The following NR1D2 variants were observed in gnomAD, a reference collection of about 807,000 sequenced individuals.
NR1D2 encodes the protein nuclear receptor subfamily 1 group D member 2.
A neutral mutation model predicts 52.2 loss-of-function variants in NR1D2; 25 were observed. That is an observed-to-expected ratio of 0.48 (90% CI 0.35 to 0.67). The LOEUF (loss-of-function observed/expected upper bound fraction) is 0.67, where lower values mean the gene tolerates loss of function less well. Ranked by LOEUF, NR1D2 falls within the 30% of genes least tolerant of loss-of-function variation. The probability of loss-of-function intolerance (pLI) is 0.01; values close to 1 mark genes in which losing one functional copy is unlikely to be tolerated. For synonymous variants in NR1D2, 259 were observed against 230.1 expected (o/e 1.13, Z -1.14); for missense variants, 681 against 707.2 (o/e 0.96, Z 0.42).
intron 7 of NR1D2, among the ~76,000 whole-genome samples, chr3:23,969,540 T>G (rs73822612): frequency 3.0e-3 from 464 of 152,364 alleles, no homozygotes; most frequent in African/African-American, 0.011. Context: ...GCAGAATCTC[T>G]TGATAAGTAA....
intron 3 of NR1D2, among the ~76,000 whole-genome samples, chr3:23,958,683 C>T (rs971294542): frequency 4.7e-5 from 7 of 147,902 alleles, no homozygotes; most frequent in Admixed American, 1.4e-4. Flanking sequence ...CATGGTGGCT[C>T]GTGCCTGTAA....
rs1267635279 is a variant in NR1D2 at position 23,980,534 on chromosome 3, T to A, written c.*3115T>A. The A allele has an allele frequency of 6.6e-6, 1 of 152,044 alleles. No individual in the cohort carries two copies. The highest frequency in any genetic ancestry group is 1.5e-5 in the Non-Finnish European group (1 of 67,984). 9.4% of individuals were successfully genotyped at this position (152,044 alleles called of 1,614,324 possible). A position where few individuals can be genotyped will look rare whatever the true frequency, so the allele number is the denominator to read the frequency against. ...TAAGTTTATTTTCTACAAACTGTAA[T>A]TGATGAGGACATGGATAATATCTTC... On this transcript the variant is annotated 3_prime_UTR_variant, in exon 8 of 8. Transcript: ENST00000312521.
chr3:23,956,795 CTTGGCACAATCTT>C (rs1706091748), intron 3 of NR1D2, among the ~76,000 whole-genome samples: 1 of 152,186 alleles, frequency 6.6e-6, no homozygotes, highest in East Asian at 1.9e-4. Flanking sequence ...TTTTAAAAAA[CTTGGCACAATCTT>C]TTCTCCTGAG....
At position 23,957,639 on chromosome 3, in the gene NR1D2, C is replaced by A. The variant is rs367723970; in HGVS notation, c.372+1514C>A. 7.0e-3 allele frequency among the ~76,000 whole-genome samples: 1,064 copies of A among 151,098 alleles called. 6 individuals carry two copies. Among genetic ancestry groups the A allele is most frequent in the African/African-American group, 0.025 (1,022 of 41,170 alleles). On this transcript the variant is annotated intron_variant, in intron 3 of 7. Coordinates refer to ENST00000312521, the MANE Select transcript of NR1D2 (RefSeq NM_005126.5). Reference sequence around the variant, plus strand: ...TCGGGAGGCTGAGGCAGGAGAATGGCGTGAACCCGGGAGGCGGAGCTTGCA... The same window carrying A: ...TCGGGAGGCTGAGGCAGGAGAATGGAGTGAACCCGGGAGGCGGAGCTTGCA...
At chr3:23,969,523 A>G (rs551540436) in intron 7 of NR1D2, among the ~76,000 whole-genome samples, 6 of 152,332 alleles carry the variant, frequency 3.9e-5, no homozygotes, top group African/African-American at 9.6e-5. Flanking sequence ...CATTTTACCT[A>G]TCATTTGCAG....
chr3:23,960,597 G>A (rs574603002), intron 4 of NR1D2, among the ~76,000 whole-genome samples: 10 of 152,298 alleles, frequency 6.6e-5, no homozygotes, highest in African/African-American at 2.4e-4. Context: ...CTCCCAAAGC[G>A]CTGGGATTAC....
chr3:23,974,186 A>G (rs893628376), intron 7 of NR1D2, among the ~76,000 whole-genome samples: 3 of 138,510 alleles, frequency 2.2e-5, no homozygotes, highest in African/African-American at 8.2e-5. Flanking sequence ...CTGGTGGATC[A>G]TTTGAGTTCA....
chr3:23,959,618 G>T, intron 3 of NR1D2, 53 bp from the exon 4 acceptor site: 2 of 1,565,066 alleles, frequency 1.3e-6, no homozygotes, highest in African/African-American at 1.4e-5. Context: ...GTGTTTATAA[G>T]AAGTTCATTT....
chr3:23,953,901 G>C (rs993815880), intron 1 of NR1D2, among the ~76,000 whole-genome samples: 11 of 152,172 alleles, frequency 7.2e-5, no homozygotes, highest in Admixed American at 2.0e-4. Flanking sequence ...TTACTTAGGA[G>C]CATTTTTTAG....
chr3:23,949,802 C>G (rs1349913943), intron 1 of NR1D2, among the ~76,000 whole-genome samples: 1 of 152,192 alleles, frequency 6.6e-6, no homozygotes, highest in Non-Finnish European at 1.5e-5. Flanking sequence ...GACTTGAAGT[C>G]AAACATAATC....
rs138411265 is a variant in NR1D2, at chr3:23,961,584, C to T, written c.518-393C>T. On this transcript the variant is annotated intron_variant, in intron 4 of 7. Transcript: ENST00000312521. ...CTAGTTTTTGTTTTTTTAGTAGAGA[C>T]GGGGTTTCACCATATTGGCTAGTCT... is the stretch of plus-strand genomic sequence containing the variant. Among the ~76,000 whole-genome samples the T allele has an allele frequency of 3.0e-3, 460 of 151,624 alleles. 3 individuals are homozygous for T. Among genetic ancestry groups the T allele is most frequent in the African/African-American group, 0.011 (443 of 41,372 alleles).
chr3:23,961,192 A>G (rs9810331), intron 4 of NR1D2, among the ~76,000 whole-genome samples: 2,174 of 152,118 alleles, frequency 0.014, 63 homozygotes, highest in African/African-American at 0.049. Flanking sequence ...ACAAAAATGA[A>G]TTGACAAGGG....
intron 7 of NR1D2, 42 bp downstream of exon 7, chr3:23,968,065 G>C: frequency 6.7e-7 from 1 of 1,496,600 alleles, no homozygotes; most frequent in Non-Finnish European, 9.3e-7. Flanking sequence ...CTAGCATATA[G>C]TGACCAACTG....
intron 7 of NR1D2, among the ~76,000 whole-genome samples, chr3:23,976,482 T>G (rs974423759): frequency 1.3e-5 from 2 of 152,196 alleles, no homozygotes; most frequent in African/African-American, 4.8e-5. Context: ...TTGTATGTAG[T>G]TATCGGCAAG....
intron 4 of NR1D2, chr3:23,960,042 T>TA (rs1200611249): frequency 6.1e-6 from 2 of 327,334 alleles, no homozygotes; most frequent in Non-Finnish European, 1.1e-5. Context: ...TTGCTTCTTC[T>TA]AAAAAGAGCC....
At chr3:23,946,581 G>A (rs1039791998) in intron 1 of NR1D2, 3 of 152,240 alleles carry the variant, frequency 2.0e-5, no homozygotes, top group Non-Finnish European at 2.9e-5. Context: ...ATCCCTTCGG[G>A]CTGGAGTTTT....
At chr3:23,959,566 G>T in intron 3 of NR1D2, 105 bp from the exon 4 acceptor site, 1 of 993,608 alleles carries the variant, frequency 1.0e-6, no homozygotes. Flanking sequence ...GTCATATACT[G>T]GGACTGTAGT....
At chr3:23,968,456 G>C (rs1302608162) in intron 7 of NR1D2, among the ~76,000 whole-genome samples, 1 of 152,214 alleles carries the variant, frequency 6.6e-6, no homozygotes, top group Non-Finnish European at 1.5e-5. Context: ...ATGTGAATTA[G>C]TTGTAGGCTT....
In NR1D2 at chr3:23,946,237, C is replaced by T. The variant is rs540079255; in HGVS notation, c.16+643C>T. ...TGACACCGCAGTGCACCGGACGCCG[C>T]ACGCTCTTTTCGCGAGGTGACCCCA... On this transcript the variant is annotated intron_variant, in intron 1 of 7. Coordinates refer to ENST00000312521, the MANE Select transcript of NR1D2 (RefSeq NM_005126.5). 8.1e-3 allele frequency: 7,950 copies of T among 985,434 alleles called. 45 individuals are homozygous for T. Among genetic ancestry groups the T allele is most frequent in the Non-Finnish European group, 9.1e-3 (7,538 of 829,938 alleles). 61.0% of individuals were successfully genotyped at this position (985,434 alleles called of 1,614,324 possible).
Sources: allele counts gnomAD v4.1 joint callset (sites outside exome capture counted in the v4.1 genomes callset), GRCh38; gene constraint gnomAD v4.1.1; transcripts MANE v1.5; gene names NCBI Gene and HGNC (gene_info 2026-07-23, HGNC 2026-07-21).